The following OGDH variants were observed in gnomAD, a reference collection of about 807,000 sequenced individuals.
OGDH encodes the protein 2-oxoglutarate dehydrogenase complex component E1.
OGDH carries 38 observed loss-of-function variants against 116.6 expected under a neutral mutation model. The ratio of observed to expected loss-of-function variants is 0.33; its 90% CI spans 0.25 to 0.43. OGDH has a LOEUF of 0.43. Among genes scored for constraint, OGDH ranks in the 20% least tolerant of loss-of-function variants. The pLI is 1.00. For missense variants in OGDH, 825 were observed against 1,357.2 expected (o/e 0.61, Z 6.16); for synonymous variants, 488 against 533.3 (o/e 0.92, Z 1.17).
At chr7:44,689,398 T>TC (rs1788278140) in intron 10 of OGDH, among the ~76,000 whole-genome samples, 1 of 135,854 alleles carries the variant, frequency 7.4e-6, no homozygotes, top group Admixed American at 7.3e-5. Flanking sequence ...TTTTCTTTTT[T>TC]TTTTTTTTTT....
At chr7:44,668,874 A>C (rs1193732858) in intron 5 of OGDH, among the ~76,000 whole-genome samples, 1 of 152,224 alleles carries the variant, frequency 6.6e-6, no homozygotes, top group African/African-American at 2.4e-5. Flanking sequence ...TACTAGAAAA[A>C]CAAATTACAT....
rs1788296810 is a variant in OGDH at position 44,689,858 on chromosome 7, A to T, written c.1336-3967A>T. Among the ~76,000 whole-genome samples the T allele has an allele frequency of 2.0e-5, 3 of 152,184 alleles. No homozygotes were observed. In the South Asian group the frequency reaches 6.2e-4, roughly 32 times the overall value. On this transcript the variant is annotated intron_variant, in intron 10 of 22. Coordinates refer to ENST00000222673, the MANE Select transcript of OGDH (RefSeq NM_002541.4). ...ACAATTTTGGTGTCCTTGGAAGCAC[A>T]AAAGTTTTATTTTTTATCAAGCATA...
chr7:44,617,687 TTC>T (rs968652239), intron 1 of OGDH, among the ~76,000 whole-genome samples: 6 of 152,196 alleles, frequency 3.9e-5, no homozygotes, highest in African/African-American at 1.4e-4. Context: ...AGCAAATGTG[TTC>T]ATGATTCATC....
intron 2 of OGDH, among the ~76,000 whole-genome samples, chr7:44,633,720 G>A (rs1266704207): frequency 6.6e-6 from 1 of 152,184 alleles, no homozygotes; most frequent in Admixed American, 6.5e-5. Flanking sequence ...GTGTAGCTGG[G>A]CTGGGGTTCC....
chr7:44,668,366 C>T (rs1033324262), intron 5 of OGDH, among the ~76,000 whole-genome samples: 2 of 152,034 alleles, frequency 1.3e-5, no homozygotes, highest in Admixed American at 1.3e-4. Context: ...AACCTGGGAG[C>T]GGGAGGTTGC....
intron 20 of OGDH, among the ~76,000 whole-genome samples, chr7:44,704,903 G>GTT (rs1356326769): frequency 6.6e-6 from 1 of 151,364 alleles, no homozygotes; most frequent in Non-Finnish European, 1.5e-5. Flanking sequence ...TATAGACAGG[G>GTT]TTCCACCATG....
intron 1 of OGDH, among the ~76,000 whole-genome samples, chr7:44,607,269 G>A (rs1432818923): frequency 6.6e-6 from 1 of 152,260 alleles, no homozygotes; most frequent in Non-Finnish European, 1.5e-5. Flanking sequence ...GATTGACCGA[G>A]ATGAAGCTTA....
intron 1 of OGDH, among the ~76,000 whole-genome samples, chr7:44,613,974 T>C (rs1021610096): frequency 6.6e-6 from 1 of 151,946 alleles, no homozygotes; most frequent in African/African-American, 2.4e-5. Context: ...TCCCAGCTAA[T>C]TTTGTATTTT....
intron 2 of OGDH, among the ~76,000 whole-genome samples, chr7:44,644,843 AGGTGTTTGATGG>A (rs1292928269): frequency 1.3e-5 from 2 of 152,184 alleles, no homozygotes; most frequent in Admixed American, 6.5e-5. Context: ...GCCTTGAGGG[AGGTGTTTGATGG>A]GGTGTTTGAT....
intron 4 of OGDH, among the ~76,000 whole-genome samples, chr7:44,657,638 A>G (rs1191091879): frequency 6.6e-6 from 1 of 152,188 alleles, no homozygotes; most frequent in African/African-American, 2.4e-5. Context: ...AAGCTTGATG[A>G]CATCCAGTTT....
intron 20 of OGDH, among the ~76,000 whole-genome samples, chr7:44,706,814 G>T (rs890956782): frequency 1.3e-5 from 2 of 150,954 alleles, no homozygotes; most frequent in Non-Finnish European, 2.9e-5. Flanking sequence ...AGTAGAGACG[G>T]GGTTTCACCA....
chr7:44,677,595 G>A (rs1269043068), intron 9 of OGDH, among the ~76,000 whole-genome samples: 1 of 152,066 alleles, frequency 6.6e-6, no homozygotes, highest in Non-Finnish European at 1.5e-5. Flanking sequence ...TTGGCCAGGT[G>A]CGGTGGCTCA....
chr7:44,696,569 T>C lies in OGDH; in HGVS notation c.1900+12T>C. On this transcript the variant is annotated intron_variant, in intron 14 of 22. Coordinates refer to ENST00000222673, the MANE Select transcript of OGDH (RefSeq NM_002541.4). The stretch of plus-strand genomic sequence containing the variant: ...TACTATTCATGGAGGTAACACGCTC[T>C]GTGCTGACCTGTGGAAATGTTGGGG... 6.2e-7 allele frequency: 1 copy of C among 1,614,080 alleles called. No individual in the cohort carries two copies. Among genetic ancestry groups the C allele is most frequent in the African/African-American group, 1.3e-5 (1 of 75,076 alleles).
intron 2 of OGDH, among the ~76,000 whole-genome samples, chr7:44,637,957 T>C (rs1785747648): frequency 6.6e-6 from 1 of 152,214 alleles, no homozygotes; most frequent in South Asian, 2.1e-4. Context: ...GTTGGCCTTT[T>C]GGGAGTGAGT....
Position 44,696,100 on chromosome 7 carries a change from A to G in OGDH, c.1744A>G (p.Lys582Glu). 6.2e-7 allele frequency: 1 copy of G among 1,611,562 alleles called. No individual in the cohort carries two copies. The highest frequency in any genetic ancestry group is 8.5e-7 in the Non-Finnish European group (1 of 1,177,664). The change falls in exon 13 of 23, where the codon AAG becomes GAG. Residue 582 changes from lysine to glutamate, a missense_variant. Coordinates refer to ENST00000222673, the MANE Select transcript of OGDH (RefSeq NM_002541.4). Reference protein sequence around the residue: ...RSKDEKILHIKHWLDSPWPGF... With the variant: ...RSKDEKILHIEHWLDSPWPGF... The stretch of plus-strand genomic sequence containing the variant: ...TAAAGATGAGAAGATCTTGCACATT[A>G]AGCACTGGCTGGACTCTCCCTGGCC...
At chr7:44,675,416 G>T in intron 8 of OGDH, 148 bp downstream of exon 8, 1 of 714,858 alleles carries the variant, frequency 1.4e-6, no homozygotes, top group Non-Finnish European at 2.4e-6. Context: ...TTTTAGTGTT[G>T]GGACAAAGGT....
intron 20 of OGDH, among the ~76,000 whole-genome samples, chr7:44,705,532 T>G (rs1789033200): frequency 6.6e-6 from 1 of 152,162 alleles, no homozygotes; most frequent in African/African-American, 2.4e-5. Context: ...TTGAGCTAAT[T>G]TGTTTTGTTT....
At position 44,698,262 on chromosome 7, in the gene OGDH, CAGTG is replaced by C; in HGVS notation, c.2430+3_2430+6del. On this transcript the variant is annotated splice_donor_variant and splice_donor_region_variant and coding_sequence_variant and intron_variant, in exon 18 of 23. Coordinates refer to ENST00000222673, the MANE Select transcript of OGDH (RefSeq NM_002541.4). LOFTEE classifies it high-confidence loss of function. ...TGCAACGATGACCCAGATGTCCTGC[CAGTG>C]AGTAATACAGGCCCTGTCAGCCCAG... 6.2e-7 allele frequency: 1 copy of C among 1,613,968 alleles called. No individual in the cohort carries two copies. Among genetic ancestry groups the C allele is most frequent in the Non-Finnish European group, 8.5e-7 (1 of 1,179,994 alleles).
intron 2 of OGDH, among the ~76,000 whole-genome samples, chr7:44,626,959 G>T (rs1785231287): frequency 2.0e-5 from 3 of 152,126 alleles, no homozygotes; most frequent in African/African-American, 7.2e-5. Flanking sequence ...ATTGGGCCCA[G>T]TATGTGGTGT....
Sources: allele counts gnomAD v4.1 joint callset (sites outside exome capture counted in the v4.1 genomes callset), GRCh38; gene constraint gnomAD v4.1.1; transcripts MANE v1.5; gene names NCBI Gene and HGNC (gene_info 2026-07-23, HGNC 2026-07-21).